Variants in APC observed in about 807,000 individuals in gnomAD.
The protein encoded by APC is APC regulator of Wnt signaling pathway.
Under a neutral mutation model 247.0 loss-of-function variants are expected in APC, and 72 were observed. The ratio of observed to expected loss-of-function variants is 0.29; its 90% CI spans 0.24 to 0.35. The LOEUF is 0.35. Ranked by LOEUF, APC falls within the 10% of genes least tolerant of loss-of-function variation. APC has a pLI of 1.00. For synonymous variants in APC, 1,254 were observed against 1,162.5 expected (o/e 1.08, Z -1.60); for missense variants, 3,400 against 3,360.7 (o/e 1.01, Z -0.29).
chr5:112,768,956 C>T (rs1756696240), intron 4 of APC, among the ~76,000 whole-genome samples: 1 of 151,586 alleles, frequency 6.6e-6, no homozygotes, highest in African/African-American at 2.4e-5. Flanking sequence ...TTTAACAAAT[C>T]TCTCTTTATC....
intron 1 of APC, among the ~76,000 whole-genome samples, chr5:112,729,185 C>T (rs1308471660): frequency 6.6e-6 from 1 of 152,184 alleles, no homozygotes; most frequent in Non-Finnish European, 1.5e-5. Context: ...GCACCAAGCA[C>T]TGTTATAGAT....
At chr5:112,709,692 A>C (rs1049491959) in intron 1 of APC, among the ~76,000 whole-genome samples, 19 of 152,148 alleles carry the variant, frequency 1.2e-4, no homozygotes, top group African/African-American at 4.6e-4. Flanking sequence ...GCATGAGTCC[A>C]GGAGTTCGAG....
chr5:112,840,539 A>G lies in APC; in HGVS notation c.4945A>G (p.Ile1649Val), dbSNP rs772273122. Residue 1649 changes from isoleucine (I) to valine (V), a missense_variant, in exon 16 of 16, where the codon ATA (isoleucine) becomes GTA (valine). By Grantham distance (29) the Ile-to-Val change is conservative. Around this residue, in one of 9 missense-constraint regions of APC, gnomAD observed 1,788 missense variants for 1,649.5 expected, o/e 1.08. Transcript: ENST00000257430. The surrounding 1 kb of genome is among the most constrained non-coding windows in gnomAD (Gnocchi z 4.1). The stretch of plus-strand genomic sequence containing the variant: ...GGTGTATTGTGTTGAAGGGACACCT[A>G]TAAACTTTTCCACAGCTACATCTCT... The part of the protein sequence containing the change: ...PRVYCVEGTP[I>V]NFSTATSLSD... The G allele has an allele frequency of 3.7e-6, 6 of 1,614,036 alleles. No individual in the cohort carries two copies. The highest frequency in any genetic ancestry group is 2.2e-5 in the East Asian group (1 of 44,890).
chr5:112,745,847 C>G (rs1228396825), intron 1 of APC, among the ~76,000 whole-genome samples: 1 of 151,998 alleles, frequency 6.6e-6, no homozygotes, highest in African/African-American at 2.4e-5. Context: ...AGCCACCACG[C>G]CAGCCTTTCA....
chr5:112,719,069 A>G (rs2149652945), intron 1 of APC, among the ~76,000 whole-genome samples: 1 of 152,332 alleles, frequency 6.6e-6, no homozygotes, highest in Admixed American at 6.5e-5. Context: ...GGAATTATGT[A>G]AGCAAATAGA....
At chr5:112,813,749 C>G (rs1399919314) in intron 8 of APC, among the ~76,000 whole-genome samples, 9 of 143,622 alleles carry the variant, frequency 6.3e-5, no homozygotes, top group African/African-American at 2.1e-4. Flanking sequence ...GAAACCTTGT[C>G]TCTAAAAAAA....
intron 1 of APC, among the ~76,000 whole-genome samples, chr5:112,741,585 G>A (rs1268834325): frequency 1.3e-5 from 2 of 152,092 alleles, no homozygotes; most frequent in South Asian, 2.1e-4. Flanking sequence ...GTTTTTTACA[G>A]TTAATGAGAT....
At chr5:112,801,189 A>G in intron 7 of APC, 90 bp from the exon 8 acceptor site, 1 of 937,594 alleles carries the variant, frequency 1.1e-6, no homozygotes, top group Non-Finnish European at 1.7e-6. Context: ...TGATGCATTC[A>G]GAGCTTTAAA....
In APC at chr5:112,836,610, C is replaced by T. The variant is rs372954717; in HGVS notation, c.1959-943C>T. 1.8e-4 allele frequency among the ~76,000 whole-genome samples: 27 copies of T among 152,198 alleles called. No homozygotes were observed. In the East Asian group the frequency reaches 5.0e-3, roughly 28 times the overall value. ...GAGTTCATTATGCTGATTCTCACTCCTTGTTTTTATATGCCTTAAATGTTT... is the reference window on the plus strand; with the variant it reads ...GAGTTCATTATGCTGATTCTCACTCTTTGTTTTTATATGCCTTAAATGTTT... On this transcript the variant is annotated intron_variant, in intron 15 of 15. Coordinates refer to ENST00000257430, the MANE Select transcript of APC (RefSeq NM_000038.6).
chr5:112,723,185 A>AG (rs761834778), intron 1 of APC, among the ~76,000 whole-genome samples: 1 of 152,102 alleles, frequency 6.6e-6, no homozygotes, highest in Non-Finnish European at 1.5e-5. Flanking sequence ...AGTAGTGAAG[A>AG]GCCAGGAACT....
rs1766939890 is a variant in APC, at chr5:112,845,850, T to G, written c.*1724T>G. The G allele has an allele frequency of 4.3e-6, 1 of 232,240 alleles. No homozygotes were observed. Among genetic ancestry groups the G allele is most frequent in the African/African-American group, 2.2e-5 (1 of 45,314 alleles). The allele number at this position is 232,240 out of a possible 1,614,324, so 14.4% of individuals were successfully genotyped here. On this transcript the variant is annotated 3_prime_UTR_variant, in exon 16 of 16. Coordinates refer to ENST00000257430, the MANE Select transcript of APC (RefSeq NM_000038.6). Reference sequence around the variant, plus strand: ...ATAAATGAAAATTTATTTTTAGTGATAAGATTCATACACTCTGTATTTGGG... The same window carrying G: ...ATAAATGAAAATTTATTTTTAGTGAGAAGATTCATACACTCTGTATTTGGG...
chr5:112,741,522 T>C (rs958280286), intron 1 of APC, among the ~76,000 whole-genome samples: 5 of 152,214 alleles, frequency 3.3e-5, no homozygotes, highest in African/African-American at 1.2e-4. Context: ...CCCACTCTTC[T>C]TGTGTGTTTA....
intron 9 of APC, among the ~76,000 whole-genome samples, 156 bp downstream of exon 9, chr5:112,815,749 A>G (rs751554594): frequency 3.6e-4 from 55 of 152,208 alleles, no homozygotes; most frequent in African/African-American, 7.2e-5. Flanking sequence ...CAGCCTGGGC[A>G]ACGTGGCAAA....
intron 1 of APC, among the ~76,000 whole-genome samples, chr5:112,722,438 T>C (rs1274036831): frequency 1.3e-5 from 2 of 152,104 alleles, no homozygotes; most frequent in Non-Finnish European, 2.9e-5. Context: ...ACGTGGGGCT[T>C]TTTCCCCACA....
At chr5:112,828,602 C>G (rs1300824575) in intron 13 of APC, among the ~76,000 whole-genome samples, 1 of 151,972 alleles carries the variant, frequency 6.6e-6, no homozygotes, top group Non-Finnish European at 1.5e-5. Context: ...CGCATGCCAC[C>G]ATGCCCAGCT....
intron 1 of APC, among the ~76,000 whole-genome samples, chr5:112,739,389 T>C (rs1277301615): frequency 6.6e-6 from 1 of 152,234 alleles, no homozygotes; most frequent in Non-Finnish European, 1.5e-5. Flanking sequence ...AATGTTTATG[T>C]AATAGAAAGT....
intron 1 of APC, among the ~76,000 whole-genome samples, chr5:112,708,519 C>A (rs1299440009): frequency 6.6e-6 from 1 of 152,068 alleles, no homozygotes; most frequent in African/African-American, 2.4e-5. Flanking sequence ...GGGGCGTGAG[C>A]TTTCTAGATC....
At chr5:112,730,302 T>C (rs1224139335) in intron 1 of APC, among the ~76,000 whole-genome samples, 1 of 152,220 alleles carries the variant, frequency 6.6e-6, no homozygotes, top group Non-Finnish European at 1.5e-5. Flanking sequence ...GTTGAACAAG[T>C]AACTTTTTAT....
intron 6 of APC, among the ~76,000 whole-genome samples, chr5:112,790,581 G>A (rs141735723): frequency 6.6e-6 from 1 of 152,018 alleles, no homozygotes; most frequent in Non-Finnish European, 1.5e-5. Context: ...CATCTGCCTC[G>A]GCCTCCTGAA....
Sources: gnomAD v4.1 joint callset for allele counts (sites outside exome capture counted in the v4.1 genomes callset) on GRCh38, gnomAD v4.1.1 for gene constraint, gnomAD v4.1.1 regional missense constraint, Gnocchi (gnomAD v3.1) non-coding constraint, MANE v1.5 for transcripts, NCBI Gene and HGNC (gene_info 2026-07-23, HGNC 2026-07-21) for gene names.